The following PLEKHA5 variants were observed in gnomAD, a reference collection of about 807,000 sequenced individuals.
The protein encoded by PLEKHA5 is pleckstrin homology domain containing A5.
In PLEKHA5, 55 loss-of-function variants were observed where a neutral mutation model predicts 181.9. The observed-to-expected ratio is 0.30, with a 90% CI of 0.24 to 0.38. The LOEUF (loss-of-function observed/expected upper bound fraction) is 0.38. Among genes scored for constraint, PLEKHA5 ranks in the 10% least tolerant of loss-of-function variants. PLEKHA5 has a pLI of 1.00. For synonymous variants in PLEKHA5, 535 were observed against 529.4 expected, an observed-to-expected ratio of 1.01 and a Z score of -0.15; for missense variants, 1,432 against 1,549.5, an observed-to-expected ratio of 0.92 and a Z score of 1.27.
In PLEKHA5 at chr12:19,251,739, CAAAAAAAA is replaced by C. The variant is rs374276545; in HGVS notation, c.228-2184_228-2177del. On this transcript the variant is annotated intron_variant, in intron 3 of 31. Transcript: ENST00000429027. ...CTTGATCTGAATTTTGAGGCCCATC[CAAAAAAAA>C]AAAAAAAAAAAAAAAACTTGTGAAA... 9.8e-3 allele frequency among the ~76,000 whole-genome samples: 642 copies of C among 65,650 alleles called. 17 individuals carry two copies. The highest frequency in any genetic ancestry group is 0.03 in the African/African-American group (510 of 16,816). 43.1% of individuals were successfully genotyped at this position (65,650 alleles called of 152,430 possible).
intron 8 of PLEKHA5, among the ~76,000 whole-genome samples, chr12:19,269,522 TTTTTAA>T (rs1322607361): frequency 7.3e-6 from 1 of 137,082 alleles, no homozygotes; most frequent in African/African-American, 2.6e-5. Context: ...TTTTTTTTTA[TTTTTAA>T]TTTTAGAGTG....
At chr12:19,192,996 G>A (rs928271089) in intron 3 of PLEKHA5, among the ~76,000 whole-genome samples, 2 of 152,196 alleles carry the variant, frequency 1.3e-5, no homozygotes, top group Admixed American at 6.5e-5. Flanking sequence ...CTATAGCAAA[G>A]TTGATAGTTT....
chr12:19,176,275 A>ATT (rs66525056), intron 3 of PLEKHA5: 111 of 139,024 alleles, frequency 8.0e-4, no homozygotes, highest in Middle Eastern at 7.5e-3. Flanking sequence ...TAGATAAGTA[A>ATT]TTTTTTTTTT....
At chr12:19,328,548 C>G (rs1020729043) in intron 20 of PLEKHA5, among the ~76,000 whole-genome samples, 1 of 140,598 alleles carries the variant, frequency 7.1e-6, no homozygotes, top group Non-Finnish European at 1.5e-5. Flanking sequence ...TGGTTAGATG[C>G]TTTCCTAGGA....
At chr12:19,340,404 G>T (rs1199408885) in intron 21 of PLEKHA5, among the ~76,000 whole-genome samples, 1 of 138,006 alleles carries the variant, frequency 7.2e-6, no homozygotes, top group African/African-American at 2.5e-5. Flanking sequence ...CGCCCCGTCC[G>T]GGAGGTGAGG....
intron 3 of PLEKHA5, among the ~76,000 whole-genome samples, chr12:19,212,183 T>G (rs1188725878): frequency 6.6e-6 from 1 of 152,196 alleles, no homozygotes. Flanking sequence ...TTGTCACAGT[T>G]GGGATCACGT....
intron 16 of PLEKHA5, among the ~76,000 whole-genome samples, chr12:19,316,491 G>A (rs1292432306): frequency 3.3e-5 from 5 of 152,090 alleles, no homozygotes; most frequent in East Asian, 1.9e-4. Flanking sequence ...CTTGAATACC[G>A]AAAGAGCAAT....
At chr12:19,260,681 C>T (rs953253765) in intron 6 of PLEKHA5, among the ~76,000 whole-genome samples, 10 of 151,986 alleles carry the variant, frequency 6.6e-5, no homozygotes, top group Non-Finnish European at 1.5e-4. Context: ...CATGCTAAAA[C>T]CCTGTCTCTA....
intron 3 of PLEKHA5, among the ~76,000 whole-genome samples, chr12:19,143,105 T>C (rs530278446): frequency 3.9e-5 from 6 of 152,224 alleles, no homozygotes; most frequent in Non-Finnish European, 8.8e-5. Flanking sequence ...CAGATGTTCC[T>C]ATGAGGTGGC....
intron 23 of PLEKHA5, 44 bp downstream of exon 23, chr12:19,345,932 T>C: frequency 1.1e-6 from 1 of 906,988 alleles, no homozygotes; most frequent in Non-Finnish European, 1.8e-6. Context: ...CTTTTAATGC[T>C]TAAGAGATGA....
At chr12:19,340,115 A>G (rs2093740482) in intron 21 of PLEKHA5, among the ~76,000 whole-genome samples, 1 of 152,204 alleles carries the variant, frequency 6.6e-6, no homozygotes, top group Non-Finnish European at 1.5e-5. Context: ...ACATAGACAG[A>G]GTAAAAAGAT....
At chr12:19,258,831 C>T (rs1000422029) in intron 6 of PLEKHA5, among the ~76,000 whole-genome samples, 2 of 152,190 alleles carry the variant, frequency 1.3e-5, no homozygotes, top group Non-Finnish European at 2.9e-5. Context: ...TCTCAAAGTG[C>T]TGGGATTACA....
In PLEKHA5 at chr12:19,141,989, G is replaced by A. The variant is rs187573533; in HGVS notation, c.227+9539G>A. 2.6e-4 allele frequency among the ~76,000 whole-genome samples: 40 copies of A among 152,084 alleles called. 1 individual carries two copies. The East Asian group carries it at 7.3e-3, about 28-fold the overall frequency. On this transcript the variant is annotated intron_variant, in intron 3 of 31. Transcript: ENST00000429027. The stretch of plus-strand genomic sequence containing the variant: ...GATTATTTACATATATTGTTTCTTT[G>A]GATAGACATGCTCTAAAAAAGTTTG...
chr12:19,154,975 A>G (rs60619132), intron 3 of PLEKHA5, among the ~76,000 whole-genome samples: 13,841 of 152,192 alleles, frequency 0.091, 778 homozygotes, highest in Admixed American at 0.18. Flanking sequence ...AAACCTCTGG[A>G]TTTACACTGG....
At chr12:19,284,260 G>C (rs766997607) in intron 12 of PLEKHA5, among the ~76,000 whole-genome samples, 22 of 152,142 alleles carry the variant, frequency 1.4e-4, no homozygotes, top group Non-Finnish European at 3.1e-4. Context: ...GTAGAGATGT[G>C]GTTTCACCGT....
chr12:19,195,332 C>T (rs975995593), intron 3 of PLEKHA5, among the ~76,000 whole-genome samples: 1 of 151,802 alleles, frequency 6.6e-6, no homozygotes, highest in Admixed American at 6.6e-5. Flanking sequence ...TTGTTAATTA[C>T]ATAACTAATA....
At chr12:19,212,730 G>A (rs2057170067) in intron 3 of PLEKHA5, among the ~76,000 whole-genome samples, 1 of 151,936 alleles carries the variant, frequency 6.6e-6, no homozygotes, top group African/African-American at 2.4e-5. Context: ...TGCATGACCA[G>A]TATGTTCATA....
chr12:19,287,445 G>A (rs774602641), intron 12 of PLEKHA5, 28 bp from the exon 13 acceptor site: 1 of 1,434,332 alleles, frequency 7.0e-7, no homozygotes, highest in Non-Finnish European at 9.7e-7. Flanking sequence ...CTTTACCACA[G>A]AATTACATTG....
chr12:19,356,662 CTTTTTTT>C (rs57809332), intron 26 of PLEKHA5, among the ~76,000 whole-genome samples: 8 of 99,818 alleles, frequency 8.0e-5, no homozygotes, highest in Non-Finnish European at 1.1e-4. Flanking sequence ...AGTTGTTTTT[CTTTTTTT>C]TTTTTTTTTT....
Sources: gnomAD v4.1 joint callset for allele counts (sites outside exome capture counted in the v4.1 genomes callset) on GRCh38, gnomAD v4.1.1 for gene constraint, MANE v1.5 for transcripts, NCBI Gene and HGNC (gene_info 2026-07-23, HGNC 2026-07-21) for gene names.